The following EFR3B variants were observed in gnomAD, a reference collection of about 807,000 sequenced individuals.
EFR3B encodes protein EFR3 homolog B.
EFR3B carries 64 observed loss-of-function variants against 104.7 expected under a neutral mutation model. The observed-to-expected ratio is 0.61, with a 90% CI of 0.50 to 0.75. The LOEUF (loss-of-function observed/expected upper bound fraction) is 0.75, where lower values mean the gene tolerates loss of function less well. EFR3B is among the 30% of genes least tolerant of loss of function. EFR3B has a pLI of 0.00. For missense variants in EFR3B, 750 were observed against 1,078.5 expected (o/e 0.70, Z 4.27); for synonymous variants, 385 against 417.9 (o/e 0.92, Z 0.96).
intron 5 of EFR3B, among the ~76,000 whole-genome samples, chr2:25,127,844 A>G (rs1468246234): frequency 6.6e-6 from 1 of 152,128 alleles, no homozygotes; most frequent in Admixed American, 6.5e-5. Context: ...AGTTCTTGGC[A>G]GCGTTTTGAG....
intron 10 of EFR3B, among the ~76,000 whole-genome samples, chr2:25,132,387 G>C (rs1019547119): frequency 6.6e-6 from 1 of 152,142 alleles, no homozygotes; most frequent in Admixed American, 6.5e-5. Context: ...GGGGCCAGCC[G>C]CGGAGAAAAT....
intron 1 of EFR3B, among the ~76,000 whole-genome samples, chr2:25,052,377 T>C (rs1667895292): frequency 6.6e-6 from 1 of 152,186 alleles, no homozygotes; most frequent in East Asian, 1.9e-4. Context: ...TTTCATTCGC[T>C]TCTTTGTAAC....
chr2:25,071,827 C>T (rs1668508090), intron 1 of EFR3B, among the ~76,000 whole-genome samples: 1 of 152,226 alleles, frequency 6.6e-6, no homozygotes, highest in Non-Finnish European at 1.5e-5. Flanking sequence ...TGTTTACAAA[C>T]ATCCTGGTGA....
At chr2:25,153,805 A>G in intron 22 of EFR3B, 44 bp downstream of exon 22, 1 of 1,543,320 alleles carries the variant, frequency 6.5e-7, no homozygotes. Flanking sequence ...TCCGTGGCCC[A>G]GTATTGGGGT....
chr2:25,077,842 G>A (rs1668679522), intron 1 of EFR3B, among the ~76,000 whole-genome samples: 1 of 152,024 alleles, frequency 6.6e-6, no homozygotes, highest in African/African-American at 2.4e-5. Context: ...AAATTCAGAA[G>A]CAAGGAAAAG....
At chr2:25,149,427 G>A (rs1207987170) in intron 19 of EFR3B, among the ~76,000 whole-genome samples, 1 of 152,196 alleles carries the variant, frequency 6.6e-6, no homozygotes, top group East Asian at 1.9e-4. Context: ...GGGAGCAGGG[G>A]ACAGTGTGTT....
chr2:25,130,134 G>A lies in EFR3B; in HGVS notation c.770+25G>A. 6.4e-7 allele frequency: 1 copy of A among 1,551,692 alleles called. No individual in the cohort carries two copies. ...TGTGAGTGCCCCCACCCACTGCCTT[G>A]GCCCCAGCCTTCAGCCTGGATGTGT... On this transcript the variant is annotated intron_variant, in intron 7 of 22. Coordinates refer to ENST00000403714, the MANE Select transcript of EFR3B (RefSeq NM_014971.2). The surrounding 1 kb of genome is among the most constrained non-coding windows in gnomAD (Gnocchi z 4.6).
At chr2:25,070,407 G>T (rs952078584) in intron 1 of EFR3B, among the ~76,000 whole-genome samples, 4 of 151,984 alleles carry the variant, frequency 2.6e-5, no homozygotes, top group African/African-American at 9.7e-5. Context: ...GATTACAGGT[G>T]CATGCCACCA....
intron 3 of EFR3B, 33 bp from the exon 4 acceptor site, chr2:25,103,604 G>A (rs978365936): frequency 1.2e-5 from 18 of 1,538,018 alleles, no homozygotes; most frequent in African/African-American, 2.7e-5. Flanking sequence ...TGGCAGGGGC[G>A]CGGCCAGTGA....
chr2:25,065,305 C>G (rs180678941), intron 1 of EFR3B, among the ~76,000 whole-genome samples: 1 of 151,840 alleles, frequency 6.6e-6, no homozygotes, highest in Non-Finnish European at 1.5e-5. Flanking sequence ...TTCAGCCTCC[C>G]GAGCAGCTGG....
At chr2:25,103,833 G>T (rs551219871) in intron 4 of EFR3B, 46 bp downstream of exon 4, 1 of 1,546,030 alleles carries the variant, frequency 6.5e-7, no homozygotes, top group Non-Finnish European at 8.7e-7. Context: ...CCGCATCCTG[G>T]GGGGTGGCAG....
At chr2:25,082,988 A>C (rs1211091450) in intron 1 of EFR3B, among the ~76,000 whole-genome samples, 1 of 152,180 alleles carries the variant, frequency 6.6e-6, no homozygotes, top group Non-Finnish European at 1.5e-5. Context: ...TTGGGGCAAA[A>C]TGAGCCATCG....
chr2:25,107,203 G>C (rs1181481932), intron 4 of EFR3B, among the ~76,000 whole-genome samples: 1 of 152,124 alleles, frequency 6.6e-6, no homozygotes, highest in Non-Finnish European at 1.5e-5. Context: ...TCCAAAGTGT[G>C]GCACCCAGCC....
chr2:25,135,991 A>G (rs541803790), intron 13 of EFR3B, among the ~76,000 whole-genome samples: 1 of 152,184 alleles, frequency 6.6e-6, no homozygotes, highest in Admixed American at 6.5e-5. Flanking sequence ...TGGGGGGAAT[A>G]AGAGGAGGAA....
At chr2:25,141,642 T>C (rs1288288342) in intron 17 of EFR3B, among the ~76,000 whole-genome samples, 3 of 152,356 alleles carry the variant, frequency 2.0e-5, no homozygotes, top group Admixed American at 6.5e-5. Context: ...CATGCAATGC[T>C]GAGCCATGTT....
rs1671128370 is a variant in EFR3B at position 25,155,211 on chromosome 2, G to A, written c.*871G>A. On this transcript the variant is annotated 3_prime_UTR_variant, in exon 23 of 23. Transcript: ENST00000403714. ...AAGATAATCTTGGAGGGGAACTACA[G>A]GGTCCCCAAGATTTGCCCACATCAC... The A allele has an allele frequency of 6.6e-6, 1 of 152,194 alleles. No homozygotes were observed. The highest frequency in any genetic ancestry group is 1.5e-5 in the Non-Finnish European group (1 of 68,072). 9.4% of individuals were successfully genotyped at this position (152,194 alleles called of 1,614,324 possible).
At chr2:25,120,368 G>A (rs1302558263) in intron 4 of EFR3B, among the ~76,000 whole-genome samples, 1 of 151,628 alleles carries the variant, frequency 6.6e-6, no homozygotes, top group African/African-American at 2.4e-5. Context: ...AACCCTGGCC[G>A]GGCGCAGTGG....
intron 1 of EFR3B, among the ~76,000 whole-genome samples, chr2:25,071,861 G>A (rs1250255253): frequency 6.6e-6 from 1 of 152,178 alleles, no homozygotes; most frequent in Non-Finnish European, 1.5e-5. Flanking sequence ...CCTGTGATTA[G>A]CAGGTGTGAG....
chr2:25,042,458 G>C lies in EFR3B; in HGVS notation c.7+139G>C. ...GGTGCCCGGCGGGGCTGTTGCGGTC[G>C]CTCTGTGCGCGCGCGTCTGCGCTGC... is the stretch of plus-strand genomic sequence containing the variant. On this transcript the variant is annotated intron_variant, in intron 1 of 22. Transcript: ENST00000403714. This position sits in a 1 kb window ranked among gnomAD's most constrained non-coding sequence, Gnocchi z 5.4. 8.3e-7 allele frequency: 1 copy of C among 1,209,476 alleles called. No homozygotes were observed. The highest frequency in any genetic ancestry group is 1.0e-6 in the Non-Finnish European group (1 of 973,692). The allele number at this position is 1,209,476 out of a possible 1,614,324, so 74.9% of individuals were successfully genotyped here. A position where few individuals can be genotyped will look rare whatever the true frequency, so the allele number is the denominator to read the frequency against.
Sources: allele counts gnomAD v4.1 joint callset (sites outside exome capture counted in the v4.1 genomes callset), GRCh38; gene constraint gnomAD v4.1.1; non-coding constraint Gnocchi (gnomAD v3.1); transcripts MANE v1.5; gene names NCBI Gene and HGNC (gene_info 2026-07-23, HGNC 2026-07-21).